The following ZDHHC14 variants were observed in gnomAD, a reference collection of about 807,000 sequenced individuals.
The protein encoded by ZDHHC14 is zDHHC palmitoyltransferase 14, also known as palmitoyltransferase ZDHHC14.
In ZDHHC14, 16 loss-of-function variants were observed where a neutral mutation model predicts 47.7. The observed-to-expected ratio is 0.34, with a 90% CI of 0.23 to 0.51. The LOEUF (loss-of-function observed/expected upper bound fraction) is 0.51. Among genes scored for constraint, ZDHHC14 ranks in the 20% least tolerant of loss-of-function variants. The pLI is 0.97. For missense variants in ZDHHC14, 515 were observed against 662.5 expected (o/e 0.78, Z 2.44); for synonymous variants, 293 against 278.9 (o/e 1.05, Z -0.50).
intron 2 of ZDHHC14, among the ~76,000 whole-genome samples, chr6:157,565,773 C>T (rs1230526675): frequency 1.3e-5 from 2 of 150,634 alleles, no homozygotes; most frequent in East Asian, 3.9e-4. Context: ...GATTGCACCA[C>T]TGCACAGGTG....
chr6:157,478,522 T>C (rs1779543865), intron 1 of ZDHHC14, among the ~76,000 whole-genome samples: 1 of 152,250 alleles, frequency 6.6e-6, no homozygotes, highest in African/African-American at 2.4e-5. Flanking sequence ...ATCATTTTGC[T>C]GAAAGTGACC....
At chr6:157,392,134 G>T (rs919723032) in intron 1 of ZDHHC14, among the ~76,000 whole-genome samples, 2 of 152,152 alleles carry the variant, frequency 1.3e-5, no homozygotes, top group Non-Finnish European at 2.9e-5. Context: ...CTTAGGTCTG[G>T]ATAAGTGAGA....
rs1030848953 is a variant in ZDHHC14, at chr6:157,427,262, T to A, written c.245+44996T>A. Among the ~76,000 whole-genome samples the A allele has an allele frequency of 6.6e-6, 1 of 151,870 alleles. No homozygotes were observed. Among genetic ancestry groups the A allele is most frequent in the African/African-American group, 2.4e-5 (1 of 41,304 alleles). ...TGGTTTATCTGTGTTCAGAAGCCAG[T>A]GTGATGGTTGATTTTAAACATAATA... On this transcript the variant is annotated intron_variant, in intron 1 of 8. Transcript: ENST00000359775. This position sits in a 1 kb window ranked among gnomAD's most constrained non-coding sequence, Gnocchi z 4.4.
intron 8 of ZDHHC14, among the ~76,000 whole-genome samples, chr6:157,670,182 A>C (rs1778733075): frequency 6.6e-6 from 1 of 152,086 alleles, no homozygotes; most frequent in African/African-American, 2.4e-5. Flanking sequence ...AGAGAAAGCT[A>C]CTCTGTTGCC....
chr6:157,613,223 T>C (rs1316691228), intron 3 of ZDHHC14, among the ~76,000 whole-genome samples: 2 of 152,212 alleles, frequency 1.3e-5, no homozygotes, highest in Non-Finnish European at 2.9e-5. Flanking sequence ...TTCAAACTTT[T>C]TGTGTTTTAC....
At chr6:157,672,624 A>AGCC in intron 8 of ZDHHC14, 100 bp from the exon 9 acceptor site, 7 of 273,144 alleles carry the variant, frequency 2.6e-5, no homozygotes, top group East Asian at 1.3e-4. Flanking sequence ...CTCTTCTCGC[A>AGCC]CCCCACCCTC....
Position 157,381,577 on chromosome 6 carries a change from G to C in ZDHHC14, c.-445G>C, listed in dbSNP as rs1002062181. On this transcript the variant is annotated 5_prime_UTR_variant, in exon 1 of 9. Transcript: ENST00000359775. Reference sequence around the variant, plus strand: ...CGCAGAAGTGGCTCCCGAGGAAGCCGGCGCCGGGGCCGCCGCCTCGTGTCC... The same window carrying C: ...CGCAGAAGTGGCTCCCGAGGAAGCCCGCGCCGGGGCCGCCGCCTCGTGTCC... 3.0e-5 allele frequency: 12 copies of C among 395,864 alleles called. No individual in the cohort carries two copies. Among genetic ancestry groups the C allele is most frequent in the Non-Finnish European group, 5.0e-5 (10 of 198,712 alleles). 24.5% of individuals were successfully genotyped at this position (395,864 alleles called of 1,614,324 possible). A position where few individuals can be genotyped will look rare whatever the true frequency, so the allele number is the denominator to read the frequency against.
At chr6:157,497,457 C>T (rs547745141) in intron 1 of ZDHHC14, among the ~76,000 whole-genome samples, 3 of 152,286 alleles carry the variant, frequency 2.0e-5, no homozygotes, top group Admixed American at 6.5e-5. Flanking sequence ...TTTGCAATGA[C>T]GTTGCCTCAT....
intron 2 of ZDHHC14, among the ~76,000 whole-genome samples, chr6:157,547,317 A>G (rs1782014788): frequency 6.6e-6 from 1 of 152,120 alleles, no homozygotes; most frequent in Non-Finnish European, 1.5e-5. Context: ...AGTAAAGCTT[A>G]TCTTTTGTTA....
At chr6:157,541,119 C>A (rs1396000821) in intron 1 of ZDHHC14, among the ~76,000 whole-genome samples, 1 of 151,996 alleles carries the variant, frequency 6.6e-6, no homozygotes, top group Non-Finnish European at 1.5e-5. Flanking sequence ...TCTGTTTAGA[C>A]AATATTTTTT....
chr6:157,613,437 T>A (rs1043164270), intron 3 of ZDHHC14, among the ~76,000 whole-genome samples: 1 of 152,190 alleles, frequency 6.6e-6, no homozygotes, highest in African/African-American at 2.4e-5. Flanking sequence ...TAAGAAATCC[T>A]GGAATAAAGC....
intron 1 of ZDHHC14, among the ~76,000 whole-genome samples, chr6:157,433,841 T>C (rs1778388717): frequency 6.6e-6 from 1 of 152,192 alleles, no homozygotes; most frequent in South Asian, 2.1e-4. Flanking sequence ...GGTGACTGTT[T>C]TGATGTCTTC....
intron 1 of ZDHHC14, among the ~76,000 whole-genome samples, chr6:157,501,325 G>T (rs1019182948): frequency 6.6e-6 from 1 of 152,060 alleles, no homozygotes; most frequent in African/African-American, 2.4e-5. Flanking sequence ...CTATGCAATT[G>T]TTTAGGGTGC....
chr6:157,603,199 A>G (rs546822932), intron 3 of ZDHHC14, among the ~76,000 whole-genome samples: 43 of 152,380 alleles, frequency 2.8e-4, no homozygotes, highest in Middle Eastern at 3.4e-3. Flanking sequence ...AGTGTTTACA[A>G]TGAATCCAGA....
intron 1 of ZDHHC14, among the ~76,000 whole-genome samples, chr6:157,399,161 T>C (rs1006530411): frequency 1.7e-4 from 26 of 151,276 alleles, no homozygotes; most frequent in African/African-American, 5.1e-4. Flanking sequence ...AGGCCACTTA[T>C]TTTTTCCAAC....
chr6:157,622,655 C>T (rs570011846), intron 3 of ZDHHC14, among the ~76,000 whole-genome samples: 1 of 152,214 alleles, frequency 6.6e-6, no homozygotes, highest in South Asian at 2.1e-4. Flanking sequence ...TGAGCTGATC[C>T]ATGTGAACTG....
In ZDHHC14 at chr6:157,659,604, T is replaced by G. The variant is rs75520599; in HGVS notation, c.1068+5977T>G. Among the ~76,000 whole-genome samples, 25 of 152,338 alleles carry G rather than the reference T, an allele frequency of 1.6e-4. 2 individuals are homozygous for G. The East Asian group carries it at 4.2e-3, about 26-fold the overall frequency. On this transcript the variant is annotated intron_variant, in intron 8 of 8. Transcript: ENST00000359775. ...CATCACAGACTAAGCCAGCACATCA[T>G]GACCAGCAGTGCCTGGCCGAAAGGG... is the stretch of plus-strand genomic sequence containing the variant.
At chr6:157,597,391 C>T (rs1266998860) in intron 3 of ZDHHC14, among the ~76,000 whole-genome samples, 1 of 152,192 alleles carries the variant, frequency 6.6e-6, no homozygotes, top group Non-Finnish European at 1.5e-5. Flanking sequence ...GGGCCCTAGT[C>T]CAGCGTCGGA....
At chr6:157,501,067 C>T (rs1780182446) in intron 1 of ZDHHC14, among the ~76,000 whole-genome samples, 1 of 152,190 alleles carries the variant, frequency 6.6e-6, no homozygotes, top group African/African-American at 2.4e-5. Flanking sequence ...AGAATCAGCA[C>T]AGTTAATGGT....
Sources: gnomAD v4.1 joint callset for allele counts (sites outside exome capture counted in the v4.1 genomes callset) on GRCh38, gnomAD v4.1.1 for gene constraint, Gnocchi (gnomAD v3.1) non-coding constraint, MANE v1.5 for transcripts, NCBI Gene and HGNC (gene_info 2026-07-23, HGNC 2026-07-21) for gene names.